The following NIPAL2 variants were observed in gnomAD, a reference collection of about 807,000 sequenced individuals.
The protein encoded by NIPAL2 is NIPA like domain containing 2.
Under a neutral mutation model 48.9 loss-of-function variants are expected in NIPAL2, and 43 were observed. The ratio of observed to expected loss-of-function variants is 0.88; its 90% CI spans 0.69 to 1.13. NIPAL2 has a LOEUF of 1.13. Ranked by LOEUF, NIPAL2 falls within the 50% of genes most tolerant of loss-of-function variation. The probability of loss-of-function intolerance (pLI) is 0.00; values close to 1 mark genes in which losing one functional copy is unlikely to be tolerated. For missense variants in NIPAL2, 446 were observed against 461.4 expected, an observed-to-expected ratio of 0.97 and a Z score of 0.31; for synonymous variants, 167 against 174.6, an observed-to-expected ratio of 0.96 and a Z score of 0.34.
chr8:98,226,736 T>C (rs1456724593), intron 4 of NIPAL2, among the ~76,000 whole-genome samples: 4 of 152,200 alleles, frequency 2.6e-5, no homozygotes, highest in African/African-American at 9.6e-5. Context: ...GCACTGGGTC[T>C]TGCTCAAGGC....
At chr8:98,277,340 C>G (rs971414795) in intron 1 of NIPAL2, among the ~76,000 whole-genome samples, 2 of 151,920 alleles carry the variant, frequency 1.3e-5, no homozygotes, top group Admixed American at 6.6e-5. Flanking sequence ...ACCAGCCTGG[C>G]CAACATGATG....
intron 5 of NIPAL2, among the ~76,000 whole-genome samples, chr8:98,214,590 G>A (rs1330728985): frequency 6.6e-6 from 1 of 151,892 alleles, no homozygotes; most frequent in African/African-American, 2.4e-5. Context: ...AGGAGTTAGG[G>A]ACCTCACTCT....
intron 1 of NIPAL2, among the ~76,000 whole-genome samples, chr8:98,283,722 G>C (rs1294995775): frequency 6.6e-6 from 1 of 152,144 alleles, no homozygotes; most frequent in Non-Finnish European, 1.5e-5. Flanking sequence ...ACCTGCCTGG[G>C]TTTCCGGAGT....
chr8:98,194,894 A>G lies in NIPAL2; in HGVS notation c.945-72T>C, dbSNP rs1810474541. ...TCATGGTATTAAATAACTGAGCTCC[A>G]TATTCTACATGATGACATAAATCCC... is the stretch of plus-strand genomic sequence containing the variant. On this transcript the variant is annotated intron_variant, in intron 9 of 10. Coordinates refer to ENST00000430223, the MANE Select transcript of NIPAL2 (RefSeq NM_001321635.2). 4 of 813,320 alleles carry G rather than the reference A, an allele frequency of 4.9e-6. No homozygotes were observed. The South Asian group carries it at 8.1e-5, about 17-fold the overall frequency. The allele number at this position is 813,320 out of a possible 1,614,324, so 50.4% of individuals were successfully genotyped here. A position where few individuals can be genotyped will look rare whatever the true frequency, so the allele number is the denominator to read the frequency against.
chr8:98,238,132 CCTCT>C (rs1812807611), intron 3 of NIPAL2, among the ~76,000 whole-genome samples: 1 of 152,172 alleles, frequency 6.6e-6, no homozygotes. Context: ...TTAAACTGAA[CCTCT>C]CTGAGTTGTC....
chr8:98,276,995 C>A (rs1815507114), intron 1 of NIPAL2, among the ~76,000 whole-genome samples: 1 of 151,686 alleles, frequency 6.6e-6, no homozygotes, highest in South Asian at 2.1e-4. Flanking sequence ...GTCTTGAACT[C>A]CTGACCTGAA....
intron 6 of NIPAL2, among the ~76,000 whole-genome samples, chr8:98,207,453 T>C (rs1027943576): frequency 6.6e-6 from 1 of 152,146 alleles, no homozygotes; most frequent in Non-Finnish European, 1.5e-5. Context: ...TACATAATTG[T>C]AATGCAGTGT....
In NIPAL2 at chr8:98,259,069, C is replaced by CTT. The variant is rs1563531576; in HGVS notation, c.136-4983_136-4982insAA. ...TTATGCTGCTGTTCCTTTAAATATT[C>CTT]CTTTTTTTTTTTTTTTTTTTTTTTT... On this transcript the variant is annotated intron_variant, in intron 1 of 10. Transcript: ENST00000430223. 4.4e-4 allele frequency among the ~76,000 whole-genome samples: 39 copies of CTT among 89,350 alleles called. 4 individuals carry two copies. The highest frequency in any genetic ancestry group is 1.3e-3 in the African/African-American group (28 of 21,798). 58.6% of individuals were successfully genotyped at this position (89,350 alleles called of 152,430 possible). A position where few individuals can be genotyped will look rare whatever the true frequency, so the allele number is the denominator to read the frequency against.
chr8:98,195,937 C>T lies in NIPAL2; in HGVS notation c.944+5G>A. 5 of 1,562,702 alleles carry T rather than the reference C, an allele frequency of 3.2e-6. No homozygotes were observed. Among genetic ancestry groups the T allele is most frequent in the Non-Finnish European group, 4.4e-6 (5 of 1,140,460 alleles). On this transcript the variant is annotated splice_donor_5th_base_variant and intron_variant, in intron 9 of 10. Coordinates refer to ENST00000430223, the MANE Select transcript of NIPAL2 (RefSeq NM_001321635.2). ...ACATGCTTTACCTCTGAGACATTTACTCACCCAAAAAGATATATAAATACA... is the reference window on the plus strand; with the variant it reads ...ACATGCTTTACCTCTGAGACATTTATTCACCCAAAAAGATATATAAATACA...
At position 98,193,083 on chromosome 8, in the gene NIPAL2, T is replaced by C. The variant is rs1325572954; in HGVS notation, c.1047A>G (p.Gln349=). 4 of 1,611,626 alleles carry C rather than the reference T, an allele frequency of 2.5e-6. No individual in the cohort carries two copies. The highest frequency in any genetic ancestry group is 3.4e-6 in the Non-Finnish European group (4 of 1,177,776). ...AATCTGGTTGTATTTTGTCCAACAT[T>C]TGTTTCCCTGTGGAGATAATAATCA... is the stretch of plus-strand genomic sequence containing the variant. ...YIDFGNIPGK[Q]MLDKIQPDSH... Residue 349 remains glutamine (Q), a synonymous_variant, in exon 11 of 11, where the codon CAA becomes CAG. Transcript: ENST00000430223.
In NIPAL2 at chr8:98,205,211, C is replaced by T. The variant is rs1289275583; in HGVS notation, c.691G>A (p.Gly231Ser). ...TCCATCACAGAAAAAGTGATCATGC[C>T]TGAGACGGCCTTTACTGAAATAACA... ...LTVISVKAVS[G>S]MITFSVMDKM... The change falls in exon 7 of 11, where the codon GGC becomes AGC. Residue 231 changes from glycine to serine, a missense_variant. Physicochemically the swap from Gly to Ser is moderately conservative, Grantham distance 56 (BLOSUM62 0). Transcript: ENST00000430223. 1 of 1,613,274 alleles carries T rather than the reference C, an allele frequency of 6.2e-7. No individual in the cohort carries two copies. The highest frequency in any genetic ancestry group is 1.7e-5 in the Admixed American group (1 of 59,910).
rs1811391374 is a variant in NIPAL2, at chr8:98,212,870, C to T, written c.559-369G>A. 3.9e-5 allele frequency among the ~76,000 whole-genome samples: 6 copies of T among 152,282 alleles called. No individual in the cohort carries two copies. The South Asian group carries it at 1.2e-3, about 32-fold the overall frequency. ...CTTGTTCCTCCAGGGCCTTTGCCTG[C>T]CAGTTAGTGGCATTCCCACACTCCG... On this transcript the variant is annotated intron_variant, in intron 5 of 10. Coordinates refer to ENST00000430223, the MANE Select transcript of NIPAL2 (RefSeq NM_001321635.2).
chr8:98,226,685 T>A (rs76690424), intron 4 of NIPAL2, among the ~76,000 whole-genome samples: 2 of 152,226 alleles, frequency 1.3e-5, no homozygotes, highest in Middle Eastern at 3.4e-3. Flanking sequence ...CTGTGGCCAC[T>A]CCCACTGGGA....
At chr8:98,251,379 G>A (rs1389881598) in intron 3 of NIPAL2, among the ~76,000 whole-genome samples, 1 of 152,014 alleles carries the variant, frequency 6.6e-6, no homozygotes, top group Non-Finnish European at 1.5e-5. Flanking sequence ...ACATGTTAGT[G>A]GTTTACTAAA....
Position 98,195,940 on chromosome 8 carries a change from A to C in NIPAL2, c.944+2T>G, listed in dbSNP as rs368002822. 3.2e-6 allele frequency: 5 copies of C among 1,568,080 alleles called. No individual in the cohort carries two copies. The Admixed American group carries it at 5.2e-5, about 16-fold the overall frequency. On this transcript the variant is annotated splice_donor_variant, in intron 9 of 10. Coordinates refer to ENST00000430223, the MANE Select transcript of NIPAL2 (RefSeq NM_001321635.2). LOFTEE classifies it high-confidence loss of function. ...TGCTTTACCTCTGAGACATTTACTC[A>C]CCCAAAAAGATATATAAATACAGTG... is the stretch of plus-strand genomic sequence containing the variant.
At chr8:98,290,918 T>G (rs907906671) in intron 1 of NIPAL2, among the ~76,000 whole-genome samples, 2 of 152,100 alleles carry the variant, frequency 1.3e-5, no homozygotes, top group Admixed American at 6.6e-5. Context: ...ACTTGAAATT[T>G]TATATTTAAT....
intron 3 of NIPAL2, among the ~76,000 whole-genome samples, chr8:98,249,265 G>T (rs1434335118): frequency 6.6e-6 from 1 of 152,176 alleles, no homozygotes; most frequent in Non-Finnish European, 1.5e-5. Flanking sequence ...GAACACCTAT[G>T]AATCTACCTG....
chr8:98,241,552 A>C (rs1812980493), intron 3 of NIPAL2, among the ~76,000 whole-genome samples: 1 of 152,212 alleles, frequency 6.6e-6, no homozygotes, highest in Non-Finnish European at 1.5e-5. Flanking sequence ...GAAGTATTCC[A>C]AAAAATGGAG....
intron 1 of NIPAL2, among the ~76,000 whole-genome samples, chr8:98,280,761 T>TATATATATATATATATATATATAGAG: frequency 2.3e-4 from 7 of 30,016 alleles, no homozygotes; most frequent in African/African-American, 4.6e-4. Flanking sequence ...TATATATATA[T>TATATATATATATATATATATATAGAG]AGAGAGAGAG....
Sources: gnomAD v4.1 joint callset for allele counts (sites outside exome capture counted in the v4.1 genomes callset) on GRCh38, gnomAD v4.1.1 for gene constraint, MANE v1.5 for transcripts, NCBI Gene and HGNC (gene_info 2026-07-23, HGNC 2026-07-21) for gene names.